Variants in ANKRD11 observed in about 807,000 individuals in gnomAD.
ANKRD11 encodes ankyrin repeat domain-containing protein 11.
In ANKRD11, 17 loss-of-function variants were observed where a neutral mutation model predicts 195.7. That is an observed-to-expected ratio of 0.09 (90% CI 0.06 to 0.13). The LOEUF is 0.13. ANKRD11 is among the 10% of genes least tolerant of loss of function. The pLI, the probability that ANKRD11 is intolerant of heterozygous loss-of-function variation, is 1.00. For synonymous variants in ANKRD11, 1,953 were observed against 1,528.1 expected (o/e 1.28, Z -6.49); for missense variants, 3,735 against 3,566.1 (o/e 1.05, Z -1.21).
intron 4 of ANKRD11, among the ~76,000 whole-genome samples, chr16:89,302,316 A>T (rs1470948835): frequency 6.6e-6 from 1 of 152,128 alleles, no homozygotes; most frequent in Non-Finnish European, 1.5e-5. Flanking sequence ...GCAATGGCGC[A>T]ATCTTGGCTC....
intron 2 of ANKRD11, among the ~76,000 whole-genome samples, chr16:89,329,336 G>C (rs923408932): frequency 6.6e-6 from 1 of 152,140 alleles, no homozygotes; most frequent in Non-Finnish European, 1.5e-5. Flanking sequence ...GTGGGGAAGG[G>C]CACAAGGGAT....
intron 2 of ANKRD11, among the ~76,000 whole-genome samples, chr16:89,374,061 G>A (rs1159988471): frequency 6.6e-6 from 1 of 152,240 alleles, no homozygotes; most frequent in Non-Finnish European, 1.5e-5. Flanking sequence ...ACGCAAGTGT[G>A]AGGCCCGCAG....
intron 2 of ANKRD11, among the ~76,000 whole-genome samples, chr16:89,401,388 CTT>C (rs1054697652): frequency 1.3e-5 from 2 of 152,232 alleles, no homozygotes; most frequent in South Asian, 2.1e-4. Context: ...AAATTTCTCT[CTT>C]GATTATGCAG....
At chr16:89,362,765 A>G (rs966488587) in intron 2 of ANKRD11, among the ~76,000 whole-genome samples, 4 of 152,246 alleles carry the variant, frequency 2.6e-5, no homozygotes, top group Non-Finnish European at 4.4e-5. Flanking sequence ...AGCAAGCATT[A>G]GGTCACGGCC....
chr16:89,449,351 T>A (rs4785565), intron 1 of ANKRD11, among the ~76,000 whole-genome samples: 1 of 151,764 alleles, frequency 6.6e-6, no homozygotes, highest in Admixed American at 6.6e-5. Flanking sequence ...GGTGACAGAA[T>A]GAGACCCTGT....
chr16:89,322,873 C>A (rs2151940527), intron 2 of ANKRD11, among the ~76,000 whole-genome samples: 1 of 152,268 alleles, frequency 6.6e-6, no homozygotes, highest in East Asian at 1.9e-4. Context: ...TTGTTTGAGA[C>A]AGCTGTGTTG....
At chr16:89,466,578 C>T (rs927087290) in intron 1 of ANKRD11, among the ~76,000 whole-genome samples, 1 of 151,432 alleles carries the variant, frequency 6.6e-6, no homozygotes, top group Non-Finnish European at 1.5e-5. Context: ...AATCACTAGG[C>T]AAAGAAGGAA....
chr16:89,406,382 G>A (rs1235857431), intron 2 of ANKRD11, among the ~76,000 whole-genome samples: 2 of 152,142 alleles, frequency 1.3e-5, no homozygotes, highest in Non-Finnish European at 2.9e-5. Flanking sequence ...TCCTGAGGGC[G>A]ACAAAACACC....
At chr16:89,425,216 G>T (rs1370663225) in intron 1 of ANKRD11, among the ~76,000 whole-genome samples, 1 of 152,054 alleles carries the variant, frequency 6.6e-6, no homozygotes, top group Admixed American at 6.5e-5. Flanking sequence ...CTTTGCACAT[G>T]AGAAAACTGA....
In ANKRD11 at chr16:89,320,771, C is replaced by A. The variant is rs536148027; in HGVS notation, c.-59-3693G>T. ...CTCAGCCCAGCGGAGTGGACAGTGTCTGCGGCCAGCTCTGGGATCCAGGGC... is the reference window on the plus strand; with the variant it reads ...CTCAGCCCAGCGGAGTGGACAGTGTATGCGGCCAGCTCTGGGATCCAGGGC... On this transcript the variant is annotated intron_variant, in intron 2 of 12. Coordinates refer to ENST00000301030, the MANE Select transcript of ANKRD11 (RefSeq NM_013275.6). 3.3e-5 allele frequency among the ~76,000 whole-genome samples: 5 copies of A among 152,272 alleles called. No homozygotes were observed. The East Asian group carries it at 9.6e-4, about 29-fold the overall frequency.
At chr16:89,324,615 C>T (rs908261154) in intron 2 of ANKRD11, 14 of 429,138 alleles carry the variant, frequency 3.3e-5, no homozygotes, top group Non-Finnish European at 6.1e-5. Flanking sequence ...GGCAGATCTG[C>T]GGAAGCACTG....
At chr16:89,294,208 T>C (rs1339801349) in intron 4 of ANKRD11, among the ~76,000 whole-genome samples, 1 of 152,122 alleles carries the variant, frequency 6.6e-6, no homozygotes, top group Non-Finnish European at 1.5e-5. Flanking sequence ...CAGGACAGCT[T>C]TACAGGGCTG....
intron 7 of ANKRD11, chr16:89,287,305 T>C (rs1373294424): frequency 2.8e-6 from 1 of 354,486 alleles, no homozygotes; most frequent in Non-Finnish European, 5.5e-6. Context: ...TAAGGGCCCA[T>C]GGGGCTGCCC....
intron 3 of ANKRD11, among the ~76,000 whole-genome samples, chr16:89,306,228 G>A (rs1361158752): frequency 1.7e-5 from 1 of 60,080 alleles, no homozygotes; most frequent in African/African-American, 7.6e-5. Context: ...CTCCCACTCC[G>A]CAGACACGCG....
At chr16:89,461,285 G>C (rs57552990) in intron 1 of ANKRD11, among the ~76,000 whole-genome samples, 1 of 151,206 alleles carries the variant, frequency 6.6e-6, no homozygotes, top group Non-Finnish European at 1.5e-5. Context: ...TATGGGGAGA[G>C]GGATGAAGAG....
chr16:89,470,200 C>T (rs2152348492), intron 1 of ANKRD11, among the ~76,000 whole-genome samples: 1 of 152,126 alleles, frequency 6.6e-6, no homozygotes, highest in Admixed American at 6.5e-5. Context: ...GTCACCATGC[C>T]TATAATGTCA....
Position 89,281,344 on chromosome 16 carries a change from G to A in ANKRD11, c.5198C>T (p.Ala1733Val), listed in dbSNP as rs148243995. ...RTPSCSADDYADLVFDCADSQ... is the reference protein window; with the variant it reads ...RTPSCSADDYVDLVFDCADSQ... ...GTCGGCGCAGTCGAACACGAGGTCC[G>A]CGTAGTCATCGGCGCTGCAGGACGG... Residue 1733 changes from alanine (A) to valine (V), a missense_variant, in exon 9 of 13, where the codon GCG (alanine) becomes GTG (valine). Ala to Val is a moderately conservative substitution (Grantham distance 64, BLOSUM62 0). Transcript: ENST00000301030. The surrounding 1 kb of genome is among the most constrained non-coding windows in gnomAD (Gnocchi z 5.5). 439 of 1,612,416 alleles carry A rather than the reference G, an allele frequency of 2.7e-4. 1 individual carries two copies. The African/African-American group carries it at 4.3e-3, about 16-fold the overall frequency.
chr16:89,480,163 A>G (rs1219617084), intron 1 of ANKRD11, among the ~76,000 whole-genome samples: 3 of 151,624 alleles, frequency 2.0e-5, no homozygotes, highest in Admixed American at 6.6e-5. Flanking sequence ...TCCTTCTCAG[A>G]CCACAAGCCT....
At chr16:89,320,521 T>C (rs1471506314) in intron 2 of ANKRD11, among the ~76,000 whole-genome samples, 2 of 152,116 alleles carry the variant, frequency 1.3e-5, no homozygotes, top group Non-Finnish European at 2.9e-5. Context: ...CACCTGGCCC[T>C]GACCGCCCCC....
Sources: allele counts gnomAD v4.1 joint callset (sites outside exome capture counted in the v4.1 genomes callset), GRCh38; gene constraint gnomAD v4.1.1; non-coding constraint Gnocchi (gnomAD v3.1); transcripts MANE v1.5; gene names NCBI Gene and HGNC (gene_info 2026-07-23, HGNC 2026-07-21).